Variants in RTL9 observed in about 807,000 individuals in gnomAD.
The protein encoded by RTL9 is retrotransposon Gag-like protein 9.
RTL9 carries 19 observed loss-of-function variants against 44.7 expected under a neutral mutation model. That is an observed-to-expected ratio of 0.42 (90% CI 0.30 to 0.62). The LOEUF (loss-of-function observed/expected upper bound fraction) is 0.62, where lower values mean the gene tolerates loss of function less well. Ranked by LOEUF, RTL9 falls within the 20% of genes least tolerant of loss-of-function variation. The pLI, the probability that RTL9 is intolerant of heterozygous loss-of-function variation, is 0.16. For missense variants in RTL9, 1,105 were observed against 1,080.6 expected, an observed-to-expected ratio of 1.02 and a Z score of -0.32; for synonymous variants, 407 against 398.9, an observed-to-expected ratio of 1.02 and a Z score of -0.24.
chrX:110,451,519 A>T, exon 1 of RTL9: 3 of 1,212,001 alleles, frequency 2.5e-6, no homozygotes, highest in Non-Finnish European at 2.2e-6. Context: ...CTCATGTCAG[A>T]TCTAGACTCT....
upstream of RTL9, among the ~76,000 whole-genome samples, chrX:110,447,878 T>A (rs1224466150): frequency 9.0e-6 from 1 of 111,673 alleles, no homozygotes; most frequent in Non-Finnish European, 1.9e-5. Flanking sequence ...CCCCTTAGAC[T>A]GAGGGTTTCT....
chrX:110,399,885 C>T (rs753614656), intron 1 of RTL9, among the ~76,000 whole-genome samples: 24 of 111,912 alleles, frequency 2.1e-4, no homozygotes, highest in Admixed American at 9.4e-4. Context: ...ACATTATTAG[C>T]GAAGGCAATG....
At chrX:110,389,119 TAAAG>T (rs1297546969) in intron 1 of RTL9, among the ~76,000 whole-genome samples, 2 of 112,621 alleles carry the variant, frequency 1.8e-5, no homozygotes, top group Non-Finnish European at 3.7e-5. Context: ...CATTTTGAAT[TAAAG>T]AAAATTGAAC....
upstream of RTL9, among the ~76,000 whole-genome samples, chrX:110,418,277 C>T (rs192360410): frequency 8.9e-6 from 1 of 112,326 alleles, no homozygotes; most frequent in East Asian, 2.8e-4. Flanking sequence ...AGAGCAGGTA[C>T]TCTGCCCCAA....
At chrX:110,435,073 A>G (rs1603008922) in intron 1 of RTL9, among the ~76,000 whole-genome samples, 1 of 62,375 alleles carries the variant, frequency 1.6e-5, no homozygotes, top group Non-Finnish European at 2.8e-5. Context: ...GGAAGGAGGG[A>G]GGGGGGAGGA....
rs755621730 is a variant in RTL9, at chrX:110,376,614, T to A, written c.-168+17698T>A. Among the ~76,000 whole-genome samples, 5 of 111,841 alleles carry A rather than the reference T, an allele frequency of 4.5e-5. 1 individual carries two copies. The South Asian group carries it at 1.9e-3, about 43-fold the overall frequency. On this transcript the variant is annotated intron_variant, in intron 1 of 2. Transcript: ENST00000520821. The stretch of plus-strand genomic sequence containing the variant: ...CTGCCCTATGAGGCAGCACCAACAC[T>A]CAGAAGAAAACAAAAAAGAAACTCT...
Position 110,454,079 on chromosome X carries a change from G to T in RTL9, c.3462G>T (p.Glu1154Asp). 4 of 1,212,063 alleles carry T rather than the reference G, an allele frequency of 3.3e-6. No individual in the cohort carries two copies. The East Asian group carries it at 1.2e-4, about 36-fold the overall frequency. The change falls in exon 1 of 2, where the codon GAG (glutamate) becomes GAT (aspartate). Residue 1154 changes from glutamate (E) to aspartate (D), a missense_variant. Physicochemically the swap from Glu to Asp is conservative, Grantham distance 45. Transcript: ENST00000540313. The stretch of plus-strand genomic sequence containing the variant: ...CAGCACTCTGCTACCTCTTAGAAGA[G>T]CAGGAAGCAGCCCGGGGCTCATGCT...
At chrX:110,433,649 T>C (rs1215315354) in intron 1 of RTL9, among the ~76,000 whole-genome samples, 1 of 112,002 alleles carries the variant, frequency 8.9e-6, no homozygotes, top group Non-Finnish European at 1.9e-5. Context: ...TTTCCAGGGA[T>C]TGACTCATCT....
At chrX:110,439,127 G>A (rs2068860756) in intron 1 of RTL9, among the ~76,000 whole-genome samples, 2 of 111,834 alleles carry the variant, frequency 1.8e-5, no homozygotes, top group Admixed American at 1.9e-4. Context: ...GGGGACTTCA[G>A]CAGTCCCCGA....
At chrX:110,445,791 C>T (rs2068905118), upstream of RTL9, among the ~76,000 whole-genome samples, 1 of 112,126 alleles carries the variant, frequency 8.9e-6, no homozygotes, top group Non-Finnish European at 1.9e-5. Context: ...GAGCATGACA[C>T]CTCCTAGCCG....
chrX:110,383,284 C>T (rs946062128), intron 1 of RTL9, among the ~76,000 whole-genome samples: 1 of 111,056 alleles, frequency 9.0e-6, no homozygotes, highest in African/African-American at 3.3e-5. Context: ...ATCCCCTTTC[C>T]AAAGAGTATA....
intron 1 of RTL9, among the ~76,000 whole-genome samples, chrX:110,438,400 G>T (rs2068854861): frequency 9.0e-6 from 1 of 111,689 alleles, no homozygotes; most frequent in African/African-American, 3.3e-5. Context: ...GCCAAGACAG[G>T]ACTTGGATTA....
At chrX:110,453,586 C>G in exon 1 of RTL9, 1 of 1,212,159 alleles carries the variant, frequency 8.2e-7, no homozygotes, top group Non-Finnish European at 1.1e-6. Context: ...GCAACGTCCA[C>G]ATTGCAAACC....
Position 110,453,613 on chromosome X carries a change from G to T in RTL9, c.2996G>T (p.Arg999Ile), listed in dbSNP as rs144417719. Reference sequence around the variant, plus strand: ...TTGCAAACCAGTGTTGCGAACTCTAGATCTATGTCCTTGTCACAAACAACA... The same window carrying T: ...TTGCAAACCAGTGTTGCGAACTCTATATCTATGTCCTTGTCACAAACAACA... Residue 999 changes from arginine to isoleucine, a missense_variant, in exon 1 of 2, where the codon AGA (arginine) becomes ATA (isoleucine). Arg to Ile is a moderately conservative substitution (Grantham distance 97). Coordinates refer to ENST00000540313, the Ensembl canonical transcript of RTL9. 11 of 1,210,674 alleles carry T rather than the reference G, an allele frequency of 9.1e-6. No individual in the cohort carries two copies. Among genetic ancestry groups the T allele is most frequent in the Non-Finnish European group, 1.1e-5 (10 of 895,357 alleles).
intron 1 of RTL9, among the ~76,000 whole-genome samples, chrX:110,389,938 T>G (rs762272520): frequency 3.7e-4 from 41 of 112,204 alleles, no homozygotes; most frequent in African/African-American, 1.2e-3. Context: ...GAGAAAGTTT[T>G]ATTTCACCAA....
chrX:110,386,739 G>T (rs2068458043), intron 1 of RTL9, among the ~76,000 whole-genome samples: 1 of 111,816 alleles, frequency 8.9e-6, no homozygotes, highest in South Asian at 3.8e-4. Flanking sequence ...ATCACCTGAT[G>T]CACCCTATGG....
intron 1 of RTL9, among the ~76,000 whole-genome samples, chrX:110,431,819 G>A (rs1407991449): frequency 8.9e-6 from 1 of 112,123 alleles, no homozygotes; most frequent in Non-Finnish European, 1.9e-5. Context: ...GGGCACATTA[G>A]GTTTGAGGAG....
chrX:110,389,112 T>C (rs1262191276), intron 1 of RTL9, among the ~76,000 whole-genome samples: 1 of 112,583 alleles, frequency 8.9e-6, no homozygotes, highest in Non-Finnish European at 1.9e-5. Flanking sequence ...GTTGGAACAT[T>C]TTGAATTAAA....
chrX:110,386,943 A>G (rs1172725526), intron 1 of RTL9, among the ~76,000 whole-genome samples: 1 of 112,511 alleles, frequency 8.9e-6, no homozygotes, highest in Non-Finnish European at 1.9e-5. Context: ...GGACCACAAC[A>G]GAAAAGATGC....
Sources: gnomAD v4.1 joint callset for allele counts (sites outside exome capture counted in the v4.1 genomes callset) on GRCh38, gnomAD v4.1.1 for gene constraint, MANE v1.5 for transcripts, NCBI Gene and HGNC (gene_info 2026-07-23, HGNC 2026-07-21) for gene names.